The following PDE8B variants were observed in gnomAD, a reference collection of about 807,000 sequenced individuals.
PDE8B encodes phosphodiesterase 8B, also known as high affinity cAMP-specific and IBMX-insensitive 3',5'-cyclic phosphodiesterase 8B.
A neutral mutation model predicts 101.3 loss-of-function variants in PDE8B; 26 were observed. The observed-to-expected ratio is 0.26, with a 90% confidence interval of 0.19 to 0.36. The LOEUF is 0.36. PDE8B is among the 10% of genes least tolerant of loss of function. PDE8B has a pLI of 1.00. For synonymous variants in PDE8B, 424 were observed against 429.3 expected (o/e 0.99, Z 0.15); for missense variants, 810 against 1,163.1 (o/e 0.70, Z 4.42).
chr5:77,398,905 G>T (rs967944166), intron 10 of PDE8B, among the ~76,000 whole-genome samples: 2 of 152,330 alleles, frequency 1.3e-5, no homozygotes, highest in African/African-American at 4.8e-5. Flanking sequence ...ACACGTCAGA[G>T]TGGGCAGGCC....
intron 11 of PDE8B, among the ~76,000 whole-genome samples, chr5:77,401,006 C>G (rs1319000004): frequency 6.6e-6 from 1 of 152,172 alleles, no homozygotes; most frequent in Non-Finnish European, 1.5e-5. Context: ...TTTAGTCTCT[C>G]TTCTTGGTGA....
At chr5:77,100,921 A>C in the PDE8B span, among the ~76,000 whole-genome samples, 4 of 151,958 alleles carry the variant, frequency 2.6e-5, no homozygotes, top group East Asian at 7.7e-4. Context: ...ATTATAAAAA[A>C]CAGTAGTAAG....
intron 1 of PDE8B, among the ~76,000 whole-genome samples, chr5:77,240,861 G>C (rs1201751991): frequency 2.6e-5 from 4 of 152,298 alleles, no homozygotes; most frequent in Middle Eastern, 3.4e-3. Context: ...TCCAAATACA[G>C]AGGGATAAAA....
intron 1 of PDE8B, among the ~76,000 whole-genome samples, chr5:77,250,690 C>G (rs1167834326): frequency 3.3e-5 from 5 of 152,168 alleles, no homozygotes; most frequent in African/African-American, 1.2e-4. Context: ...GTCTCAGTCT[C>G]TCTATAGCTT....
At chr5:77,374,343 T>C (rs574031515) in intron 10 of PDE8B, among the ~76,000 whole-genome samples, 1 of 152,218 alleles carries the variant, frequency 6.6e-6, no homozygotes, top group Non-Finnish European at 1.5e-5. Context: ...TTATTTGGAA[T>C]GTTTAGTCCA....
intron 1 of PDE8B, among the ~76,000 whole-genome samples, chr5:77,252,327 G>A (rs1758231645): frequency 1.3e-5 from 2 of 152,172 alleles, no homozygotes; most frequent in African/African-American, 4.8e-5. Flanking sequence ...GTTAAAATAA[G>A]AAGCTCAGTT....
intron 6 of PDE8B, among the ~76,000 whole-genome samples, chr5:77,343,205 C>A (rs983366232): frequency 1.3e-5 from 2 of 152,084 alleles, no homozygotes; most frequent in African/African-American, 4.8e-5. Flanking sequence ...TATTATTAAC[C>A]CTCTTAGTCT....
At chr5:77,167,211 C>T in the PDE8B span, among the ~76,000 whole-genome samples, 2 of 152,186 alleles carry the variant, frequency 1.3e-5, no homozygotes, top group African/African-American at 4.8e-5. Flanking sequence ...ATTGCATTAA[C>T]AGTTATTGGT....
At chr5:77,198,850 C>G in the PDE8B span, among the ~76,000 whole-genome samples, 1 of 152,020 alleles carries the variant, frequency 6.6e-6, no homozygotes, top group Middle Eastern at 3.4e-3. Context: ...TTTTTTTTCT[C>G]CATTCTTCTT....
At chr5:77,231,817 G>A (rs190559721) in intron 1 of PDE8B, among the ~76,000 whole-genome samples, 50 of 152,326 alleles carry the variant, frequency 3.3e-4, no homozygotes, top group South Asian at 2.9e-3. Context: ...TGGCATAAGC[G>A]GTACTCATGA....
Position 77,412,191 on chromosome 5 carries a change from T to C in PDE8B, c.1668T>C (p.Ser556=), listed in dbSNP as rs758781831. Residue 556 remains serine (S), a synonymous_variant, in exon 16 of 22, where the codon AGT becomes AGC. Coordinates refer to ENST00000264917, the MANE Select transcript of PDE8B (RefSeq NM_003719.5). ...CISQLLDNEE[S]WDFNIFELEA... ...CTCAATTACTTGATAATGAGGAGAG[T>C]TGGGACTTCAACATCTTTGAATTGG... 7 of 1,613,948 alleles carry C rather than the reference T, an allele frequency of 4.3e-6. No homozygotes were observed. The highest frequency in any genetic ancestry group is 5.1e-6 in the Non-Finnish European group (6 of 1,179,894).
the PDE8B span, among the ~76,000 whole-genome samples, chr5:77,097,441 T>A: frequency 6.6e-6 from 1 of 151,760 alleles, no homozygotes; most frequent in African/African-American, 2.4e-5. Context: ...GCTACTTTTA[T>A]ATGATTATTA....
chr5:77,403,627 A>T (rs1033558642), intron 11 of PDE8B, among the ~76,000 whole-genome samples: 5 of 152,024 alleles, frequency 3.3e-5, no homozygotes, highest in African/African-American at 1.2e-4. Flanking sequence ...TGAAACTTTT[A>T]TGCATGATAG....
At chr5:77,090,702 T>C in the PDE8B span, among the ~76,000 whole-genome samples, 2 of 152,226 alleles carry the variant, frequency 1.3e-5, no homozygotes, top group African/African-American at 4.8e-5. Flanking sequence ...AAGACATCCA[T>C]GTTGTTGCAA....
At chr5:77,255,500 A>G (rs1466045790) in intron 1 of PDE8B, among the ~76,000 whole-genome samples, 1 of 152,204 alleles carries the variant, frequency 6.6e-6, no homozygotes, top group Non-Finnish European at 1.5e-5. Flanking sequence ...ACAATGGAGC[A>G]TGTGCCAGGA....
At chr5:77,249,619 A>G (rs114722314) in intron 1 of PDE8B, among the ~76,000 whole-genome samples, 106 of 152,356 alleles carry the variant, frequency 7.0e-4, no homozygotes, top group Admixed American at 1.4e-3. Context: ...TTCTGAAGTA[A>G]TGGATGTCTC....
intron 1 of PDE8B, among the ~76,000 whole-genome samples, chr5:77,268,514 A>T (rs1580695523): frequency 6.8e-6 from 1 of 146,576 alleles, no homozygotes; most frequent in African/African-American, 2.5e-5. Context: ...CCCCCCCACT[A>T]CTCTTCCAAG....
intron 10 of PDE8B, among the ~76,000 whole-genome samples, chr5:77,389,609 A>G (rs1205018352): frequency 6.6e-6 from 1 of 152,188 alleles, no homozygotes; most frequent in Non-Finnish European, 1.5e-5. Flanking sequence ...TTGCCGTCCC[A>G]AAAGTCCCTT....
the PDE8B span, among the ~76,000 whole-genome samples, chr5:77,152,714 C>G: frequency 6.6e-6 from 1 of 152,290 alleles, no homozygotes; most frequent in South Asian, 2.1e-4. Flanking sequence ...AAGCTCCAGA[C>G]GCTCACTGAT....
Sources: allele counts gnomAD v4.1 joint callset (sites outside exome capture counted in the v4.1 genomes callset), GRCh38; gene constraint gnomAD v4.1.1; transcripts MANE v1.5; gene names NCBI Gene and HGNC (gene_info 2026-07-23, HGNC 2026-07-21).